ADAM12: variants seen among roughly 807,000 people sequenced by gnomAD.
ADAM12 encodes disintegrin and metalloproteinase domain-containing protein 12.
ADAM12 carries 70 observed loss-of-function variants against 106.4 expected under a neutral mutation model. The ratio of observed to expected loss-of-function variants is 0.66; its 90% CI spans 0.54 to 0.80. ADAM12 has a LOEUF of 0.80. Among genes scored for constraint, ADAM12 ranks in the 30% least tolerant of loss-of-function variants. The pLI, the probability that ADAM12 is intolerant of heterozygous loss-of-function variation, is 0.00. For missense variants in ADAM12, 1,010 were observed against 1,171.9 expected, an observed-to-expected ratio of 0.86 and a Z score of 2.02; for synonymous variants, 420 against 433.5, an observed-to-expected ratio of 0.97 and a Z score of 0.39.
chr10:126,122,341 G>A (rs1956130520), intron 5 of ADAM12, among the ~76,000 whole-genome samples: 1 of 152,162 alleles, frequency 6.6e-6, no homozygotes, highest in Admixed American at 6.5e-5. Flanking sequence ...ACTCTGTGGG[G>A]TGGCTTGTGT....
intron 3 of ADAM12, among the ~76,000 whole-genome samples, chr10:126,277,112 A>C (rs1959292091): frequency 6.6e-6 from 1 of 152,236 alleles, no homozygotes; most frequent in Non-Finnish European, 1.5e-5. Flanking sequence ...CTTATTTATA[A>C]GAAAAAAAAT....
At chr10:126,229,562 A>G (rs1958267420) in intron 3 of ADAM12, among the ~76,000 whole-genome samples, 2 of 151,828 alleles carry the variant, frequency 1.3e-5, no homozygotes, top group African/African-American at 4.8e-5. Flanking sequence ...CATTGAATGT[A>G]TCTATTTCCT....
intron 3 of ADAM12, among the ~76,000 whole-genome samples, chr10:126,198,866 G>C (rs919540082): frequency 6.6e-6 from 1 of 152,140 alleles, no homozygotes; most frequent in African/African-American, 2.4e-5. Context: ...GAAACTCCCA[G>C]CTGTGGTGAG....
In ADAM12 at chr10:126,387,964, C is replaced by T. The variant is rs566785949; in HGVS notation, c.88+94G>A. 2.4e-4 allele frequency: 283 copies of T among 1,170,758 alleles called. 1 individual carries two copies. In the African/African-American group the frequency reaches 4.0e-3, roughly 16 times the overall value. The allele number at this position is 1,170,758 out of a possible 1,614,324, so 72.5% of individuals were successfully genotyped here. Reference sequence around the variant, plus strand: ...CCGGAGATGCGCCGGGGCGCGTCGCCCCTCGGGGCAGCCCTGGACCTCGGC... The same window carrying T: ...CCGGAGATGCGCCGGGGCGCGTCGCTCCTCGGGGCAGCCCTGGACCTCGGC... On this transcript the variant is annotated intron_variant, in intron 1 of 22. Coordinates refer to ENST00000448723, the MANE Select transcript of ADAM12 (RefSeq NM_001288973.2).
chr10:126,266,802 G>A (rs1959105781), intron 3 of ADAM12, among the ~76,000 whole-genome samples: 1 of 152,106 alleles, frequency 6.6e-6, no homozygotes, highest in Non-Finnish European at 1.5e-5. Context: ...AGAGAGAAAG[G>A]TGGGAGGTTC....
At chr10:126,202,907 CTCCTT>C (rs1957729107) in intron 3 of ADAM12, among the ~76,000 whole-genome samples, 1 of 152,072 alleles carries the variant, frequency 6.6e-6, no homozygotes, top group Non-Finnish European at 1.5e-5. Context: ...AAAAAAATGT[CTCCTT>C]TCAAGACTTT....
At chr10:126,023,607 G>C (rs772435780) in intron 21 of ADAM12, among the ~76,000 whole-genome samples, 3 of 152,164 alleles carry the variant, frequency 2.0e-5, no homozygotes, top group Non-Finnish European at 2.9e-5. Flanking sequence ...CAAGACCTCA[G>C]GTTAAGAATC....
chr10:126,097,057 C>T (rs141826080), intron 10 of ADAM12, among the ~76,000 whole-genome samples: 363 of 152,214 alleles, frequency 2.4e-3, no homozygotes, highest in Non-Finnish European at 3.9e-3. Flanking sequence ...ATTTCAGCAC[C>T]GCACAGCAGC....
intron 3 of ADAM12, among the ~76,000 whole-genome samples, chr10:126,236,315 C>A (rs1590660977): frequency 6.6e-6 from 1 of 152,092 alleles, no homozygotes; most frequent in Non-Finnish European, 1.5e-5. Context: ...CTGGCTGGGG[C>A]CACTGGTCAG....
intron 9 of ADAM12, among the ~76,000 whole-genome samples, chr10:126,100,062 T>C (rs1955632043): frequency 6.6e-6 from 1 of 152,162 alleles, no homozygotes; most frequent in Admixed American, 6.5e-5. Flanking sequence ...TAGTTTATCA[T>C]CTTCCAGTTG....
chr10:126,017,893 A>G (rs1431983534), intron 22 of ADAM12, among the ~76,000 whole-genome samples: 5 of 152,228 alleles, frequency 3.3e-5, no homozygotes, highest in African/African-American at 1.2e-4. Context: ...GATTGGCCAC[A>G]GCTTGAGGGC....
chr10:126,318,569 C>T (rs1387144167), intron 2 of ADAM12, among the ~76,000 whole-genome samples: 2 of 151,930 alleles, frequency 1.3e-5, no homozygotes, highest in African/African-American at 4.8e-5. Context: ...CACACTCACA[C>T]ACTCACATAC....
chr10:126,162,003 A>T (rs1388896409), intron 3 of ADAM12, among the ~76,000 whole-genome samples: 12 of 152,140 alleles, frequency 7.9e-5, no homozygotes, highest in Admixed American at 7.9e-4. Flanking sequence ...CTGTGCCAGG[A>T]GTTGATTTTG....
intron 8 of ADAM12, among the ~76,000 whole-genome samples, chr10:126,107,478 C>T (rs1213162417): frequency 2.0e-5 from 3 of 152,136 alleles, no homozygotes; most frequent in East Asian, 1.9e-4. Context: ...GGACCTTTGC[C>T]TTCATTTTTC....
chr10:126,359,861 C>T (rs556379500), intron 1 of ADAM12, among the ~76,000 whole-genome samples: 118 of 152,176 alleles, frequency 7.8e-4, no homozygotes, highest in Non-Finnish European at 1.5e-3. Flanking sequence ...TTCGCACTGC[C>T]CTAGCAGAGA....
At chr10:126,315,061 G>A (rs952106229) in intron 2 of ADAM12, among the ~76,000 whole-genome samples, 58 of 152,198 alleles carry the variant, frequency 3.8e-4, no homozygotes, top group Non-Finnish European at 3.5e-4. Flanking sequence ...AAATGAAACA[G>A]TTAAACTCAT....
chr10:126,231,842 C>T (rs142927781), intron 3 of ADAM12, among the ~76,000 whole-genome samples: 2 of 152,280 alleles, frequency 1.3e-5, no homozygotes, highest in African/African-American at 2.4e-5. Context: ...TGGTCCTTGA[C>T]CCACTTGTCT....
chr10:126,130,017 C>T (rs781071904), intron 5 of ADAM12, among the ~76,000 whole-genome samples: 3 of 152,094 alleles, frequency 2.0e-5, no homozygotes, highest in Admixed American at 1.3e-4. Context: ...GATGTTCTTT[C>T]GCTGCAAAAC....
intron 2 of ADAM12, among the ~76,000 whole-genome samples, chr10:126,280,853 T>C (rs1364948203): frequency 2.0e-5 from 3 of 152,210 alleles, no homozygotes. Context: ...TACAAAAACA[T>C]ACCAAATTTA....
Sources: allele counts gnomAD v4.1 joint callset (sites outside exome capture counted in the v4.1 genomes callset), GRCh38; gene constraint gnomAD v4.1.1; transcripts MANE v1.5; gene names NCBI Gene and HGNC (gene_info 2026-07-23, HGNC 2026-07-21).